The following GRID1 variants were observed in gnomAD, a reference collection of about 807,000 sequenced individuals.
GRID1 encodes the protein glutamate ionotropic receptor delta type subunit 1.
Under a neutral mutation model 98.0 loss-of-function variants are expected in GRID1, and 28 were observed. The ratio of observed to expected loss-of-function variants is 0.29; its 90% CI spans 0.21 to 0.39. The LOEUF (loss-of-function observed/expected upper bound fraction) is 0.39, where lower values mean the gene tolerates loss of function less well. Among genes scored for constraint, GRID1 ranks in the 10% least tolerant of loss-of-function variants. The pLI is 1.00. For synonymous variants in GRID1, 553 were observed against 538.5 expected, an observed-to-expected ratio of 1.03 and a Z score of -0.37; for missense variants, 1,111 against 1,340.5, an observed-to-expected ratio of 0.83 and a Z score of 2.67.
At chr10:85,967,708 G>C (rs1842355344) in intron 4 of GRID1, among the ~76,000 whole-genome samples, 1 of 152,174 alleles carries the variant, frequency 6.6e-6, no homozygotes, top group African/African-American at 2.4e-5. Context: ...TGCTAAGAAG[G>C]AGAACTCAGG....
intron 2 of GRID1, among the ~76,000 whole-genome samples, chr10:86,351,203 G>A (rs1848457046): frequency 6.6e-6 from 1 of 152,254 alleles, no homozygotes; most frequent in Non-Finnish European, 1.5e-5. Flanking sequence ...CAGCTGAAAT[G>A]GCTCCAGGAC....
chr10:85,648,743 T>C (rs751442817), intron 12 of GRID1, among the ~76,000 whole-genome samples: 1 of 152,212 alleles, frequency 6.6e-6, no homozygotes, highest in Non-Finnish European at 1.5e-5. Context: ...ACAAGCCCGT[T>C]GAAAATCCAA....
chr10:85,977,796 CG>C lies in GRID1; in HGVS notation c.727-61558del, dbSNP rs552008083. 5.2e-3 allele frequency among the ~76,000 whole-genome samples: 785 copies of C among 152,246 alleles called. 8 individuals are homozygous for C. Among genetic ancestry groups the C allele is most frequent in the African/African-American group, 0.018 (757 of 41,550 alleles). On this transcript the variant is annotated intron_variant, in intron 4 of 15. Transcript: ENST00000327946. ...GTCACTAGCCAGTTGAAGACCTCCC[CG>C]CCGACCCAGTGAAAATGAAATCCTA...
At chr10:86,148,723 A>G (rs1478999294) in intron 3 of GRID1, among the ~76,000 whole-genome samples, 1 of 152,200 alleles carries the variant, frequency 6.6e-6, no homozygotes, top group Non-Finnish European at 1.5e-5. Flanking sequence ...TACCACAAAA[A>G]AAATACAACT....
Position 85,916,480 on chromosome 10 carries a change from C to A in GRID1, c.727-241G>T, listed in dbSNP as rs12253666. On this transcript the variant is annotated intron_variant, in intron 4 of 15. Coordinates refer to ENST00000327946, the MANE Select transcript of GRID1 (RefSeq NM_017551.3). The surrounding 1 kb of genome is among the most constrained non-coding windows in gnomAD (Gnocchi z 4.0). ...TGCACCAGCCCAGAGCAAGATTAGA[C>A]GCTTGGGTTCCTGCAGGCAGCACAG... Among the ~76,000 whole-genome samples, 1 of 152,170 alleles carries A rather than the reference C, an allele frequency of 6.6e-6. No individual in the cohort carries two copies. Among genetic ancestry groups the A allele is most frequent in the Non-Finnish European group, 1.5e-5 (1 of 68,032 alleles).
intron 13 of GRID1, among the ~76,000 whole-genome samples, chr10:85,623,676 G>A (rs1476032444): frequency 6.6e-6 from 1 of 152,068 alleles, no homozygotes; most frequent in Non-Finnish European, 1.5e-5. Flanking sequence ...CCCACTCCTA[G>A]GTTCAGACCC....
chr10:86,336,589 C>T (rs987086210), intron 2 of GRID1, among the ~76,000 whole-genome samples: 4 of 152,232 alleles, frequency 2.6e-5, no homozygotes, highest in African/African-American at 9.6e-5. Flanking sequence ...CCCTGCCGTC[C>T]TCTGGGTGCC....
intron 13 of GRID1, among the ~76,000 whole-genome samples, chr10:85,641,997 A>G (rs1487978076): frequency 3.3e-5 from 5 of 152,202 alleles, no homozygotes; most frequent in Non-Finnish European, 7.3e-5. Context: ...GTTAGAGGAT[A>G]TGCTCCCTAC....
At chr10:85,910,666 G>A (rs1311276567) in intron 5 of GRID1, among the ~76,000 whole-genome samples, 9 of 152,178 alleles carry the variant, frequency 5.9e-5, no homozygotes, top group African/African-American at 1.9e-4. Flanking sequence ...GGCAGATGGG[G>A]GGTCTCTTAG....
intron 4 of GRID1, among the ~76,000 whole-genome samples, chr10:86,093,089 CA>C (rs1844171326): frequency 6.6e-6 from 1 of 152,136 alleles, no homozygotes; most frequent in African/African-American, 2.4e-5. Flanking sequence ...CCTTCAAAAC[CA>C]TGCAAATCCA....
At chr10:86,138,399 C>T (rs1425065878) in intron 4 of GRID1, among the ~76,000 whole-genome samples, 1 of 152,162 alleles carries the variant, frequency 6.6e-6, no homozygotes, top group East Asian at 1.9e-4. Flanking sequence ...AAAGACACCT[C>T]CTCCAGGTGC....
chr10:85,771,166 T>G (rs1345533253), intron 8 of GRID1, among the ~76,000 whole-genome samples: 1 of 152,170 alleles, frequency 6.6e-6, no homozygotes, highest in Admixed American at 6.5e-5. Flanking sequence ...GGGGCCAATA[T>G]TCAACACTCT....
intron 2 of GRID1, among the ~76,000 whole-genome samples, chr10:86,233,722 C>A (rs1010010941): frequency 2.6e-5 from 4 of 152,104 alleles, no homozygotes; most frequent in Non-Finnish European, 4.4e-5. Flanking sequence ...TCCTCTCTAA[C>A]CTGCTTCCCT....
intron 12 of GRID1, among the ~76,000 whole-genome samples, chr10:85,708,297 G>A (rs544512553): frequency 5.9e-5 from 9 of 151,924 alleles, no homozygotes; most frequent in East Asian, 5.8e-4. Context: ...CTAGCTACTC[G>A]GGAGGCTGAG....
At chr10:85,809,292 GAA>G (rs1230771910) in intron 8 of GRID1, among the ~76,000 whole-genome samples, 1 of 152,056 alleles carries the variant, frequency 6.6e-6, no homozygotes, top group East Asian at 1.9e-4. Flanking sequence ...CAAAAGAAGA[GAA>G]AGTATCACAA....
chr10:85,644,900 A>T (rs980737966), intron 13 of GRID1, among the ~76,000 whole-genome samples: 4 of 152,220 alleles, frequency 2.6e-5, no homozygotes, highest in Non-Finnish European at 5.9e-5. Context: ...TTCACAGATC[A>T]CTAATAATTT....
chr10:86,049,828 T>C (rs1189611063), intron 4 of GRID1, among the ~76,000 whole-genome samples: 1 of 152,246 alleles, frequency 6.6e-6, no homozygotes, highest in Admixed American at 6.5e-5. Flanking sequence ...CTTCTTCTTT[T>C]TGTCATCGTT....
chr10:85,657,122 T>G (rs1166463001), intron 12 of GRID1, among the ~76,000 whole-genome samples: 2 of 152,214 alleles, frequency 1.3e-5, no homozygotes, highest in African/African-American at 4.8e-5. Context: ...GATTTGTAAT[T>G]GGCTCACTCT....
intron 2 of GRID1, among the ~76,000 whole-genome samples, chr10:86,240,941 G>A (rs73349978): frequency 0.052 from 7,844 of 152,300 alleles, 668 homozygotes; most frequent in African/African-American, 0.18. Flanking sequence ...CTGCCAGGCT[G>A]GGTCAGAGCC....
Sources: allele counts gnomAD v4.1 joint callset (sites outside exome capture counted in the v4.1 genomes callset), GRCh38; gene constraint gnomAD v4.1.1; non-coding constraint Gnocchi (gnomAD v3.1); transcripts MANE v1.5; gene names NCBI Gene and HGNC (gene_info 2026-07-23, HGNC 2026-07-21).